Variants in TTYH3 observed in about 807,000 individuals in gnomAD.
The protein encoded by TTYH3 is protein tweety homolog 3.
TTYH3 carries 23 observed loss-of-function variants against 68.2 expected under a neutral mutation model. The ratio of observed to expected loss-of-function variants is 0.34; its 90% confidence interval spans 0.24 to 0.48. TTYH3 has a LOEUF of 0.48. Ranked by LOEUF, TTYH3 falls within the 20% of genes least tolerant of loss-of-function variation. The pLI is 0.99. For missense variants in TTYH3, 768 were observed against 727.7 expected (o/e 1.06, Z -0.64); for synonymous variants, 360 against 332.8 (o/e 1.08, Z -0.89).
At chr7:2,654,488 C>T (rs1200726731) in intron 9 of TTYH3, among the ~76,000 whole-genome samples, 2 of 152,128 alleles carry the variant, frequency 1.3e-5, no homozygotes, top group East Asian at 1.9e-4. Flanking sequence ...TACACACACA[C>T]ACACAATTGC....
chr7:2,647,595 C>G lies in TTYH3; in HGVS notation c.583C>G (p.Leu195Val), dbSNP rs565748548. Residue 195 changes from leucine to valine, a missense_variant, in exon 4 of 14, where the codon CTG (leucine) becomes GTG (valine). Physicochemically the swap from Leu to Val is conservative, Grantham distance 32 (BLOSUM62 1). Coordinates refer to ENST00000258796, the MANE Select transcript of TTYH3 (RefSeq NM_025250.3). ...IPFWRNTAVS[L>V]EVLAEQVDLY... Reference sequence around the variant, plus strand: ...CTTTTGGAGGAACACGGCGGTGTCGCTGGAGGTGCTGGCGGAGCAGGTGGA... The same window carrying G: ...CTTTTGGAGGAACACGGCGGTGTCGGTGGAGGTGCTGGCGGAGCAGGTGGA... 1.7e-5 allele frequency: 27 copies of G among 1,574,374 alleles called. No homozygotes were observed. Among genetic ancestry groups the G allele is most frequent in the Non-Finnish European group, 2.3e-5 (27 of 1,160,958 alleles).
At chr7:2,653,689 A>G (rs1457395676) in intron 9 of TTYH3, among the ~76,000 whole-genome samples, 1 of 152,074 alleles carries the variant, frequency 6.6e-6, no homozygotes, top group Non-Finnish European at 1.5e-5. Flanking sequence ...ATGGTGAAAC[A>G]CCATTTCTAC....
intron 6 of TTYH3, 87 bp downstream of exon 6, chr7:2,649,726 C>A: frequency 6.6e-7 from 1 of 1,514,152 alleles, no homozygotes; most frequent in Middle Eastern, 1.7e-4. Context: ...TCTCCCCTCC[C>A]ATCTTCCCGG....
Position 2,648,066 on chromosome 7 carries a change from G to A in TTYH3, c.722+12G>A, listed in dbSNP as rs1393363840. On this transcript the variant is annotated intron_variant, in intron 5 of 13. Transcript: ENST00000258796. ...GGCATCCTGGTGGGGTGAGTCTGGG[G>A]GTGTCGGCCCCCCGTGGGCCCAAAG... 3 of 1,604,894 alleles carry A rather than the reference G, an allele frequency of 1.9e-6. No individual in the cohort carries two copies. The highest frequency in any genetic ancestry group is 1.1e-5 in the South Asian group (1 of 90,958).
chr7:2,657,255 T>A (rs1002243945), intron 11 of TTYH3, among the ~76,000 whole-genome samples: 22 of 152,218 alleles, frequency 1.4e-4, no homozygotes, highest in Non-Finnish European at 4.4e-5. Flanking sequence ...TTCTTCCTTT[T>A]GTCTGGATTT....
Position 2,645,281 on chromosome 7 carries a change from G to T in TTYH3, c.124-1572G>T, listed in dbSNP as rs1289982494. 6.6e-6 allele frequency among the ~76,000 whole-genome samples: 1 copy of T among 152,244 alleles called. No homozygotes were observed. The highest frequency in any genetic ancestry group is 1.5e-5 in the Non-Finnish European group (1 of 68,036). ...GCTATGCTGAATCCAGGGACCTGGG[G>T]TTGCAGGGCCTGTGTGCTTTCTCTG... is the stretch of plus-strand genomic sequence containing the variant. On this transcript the variant is annotated intron_variant, in intron 1 of 13. Transcript: ENST00000258796. This position sits in a 1 kb window ranked among gnomAD's most constrained non-coding sequence, Gnocchi z 4.8.
intron 1 of TTYH3, 40 bp downstream of exon 1, chr7:2,632,318 AGGTCACGGCCCCCTCCTCTCCCAG>A (rs886883401): frequency 9.9e-6 from 15 of 1,519,422 alleles, no homozygotes; most frequent in Admixed American, 8.0e-5. Flanking sequence ...CAGGGACCCC[AGGTCACGGCCCCCTCCTCTCCCAG>A]GGTCACGGCC....
At chr7:2,657,539 T>G (rs1786373011) in intron 11 of TTYH3, among the ~76,000 whole-genome samples, 1 of 151,662 alleles carries the variant, frequency 6.6e-6, no homozygotes, top group African/African-American at 2.4e-5. Flanking sequence ...CATAGGGGAG[T>G]AGATAAGAGC....
At chr7:2,644,887 G>C (rs549575274) in intron 1 of TTYH3, among the ~76,000 whole-genome samples, 9 of 152,328 alleles carry the variant, frequency 5.9e-5, no homozygotes, top group South Asian at 2.1e-4. Flanking sequence ...ACCGTCTCCT[G>C]GGAGATCCAG....
At chr7:2,640,607 T>G (rs1017609082) in intron 1 of TTYH3, among the ~76,000 whole-genome samples, 7 of 152,130 alleles carry the variant, frequency 4.6e-5, no homozygotes, top group Admixed American at 1.3e-4. Flanking sequence ...CTTGGCAGCC[T>G]GGTGTGGTGT....
At chr7:2,649,234 C>T (rs1452319844) in intron 5 of TTYH3, among the ~76,000 whole-genome samples, 1 of 152,044 alleles carries the variant, frequency 6.6e-6, no homozygotes, top group East Asian at 1.9e-4. Flanking sequence ...GCTACGTGGG[C>T]GGCGGGATGC....
At chr7:2,643,813 C>G (rs577725198) in intron 1 of TTYH3, among the ~76,000 whole-genome samples, 1 of 77,490 alleles carries the variant, frequency 1.3e-5, no homozygotes, top group East Asian at 5.2e-4. Flanking sequence ...GGAGGTCACA[C>G]CTGTTTAGGC....
At chr7:2,654,083 TA>T (rs1459306058) in intron 9 of TTYH3, among the ~76,000 whole-genome samples, 1 of 151,858 alleles carries the variant, frequency 6.6e-6, no homozygotes, top group African/African-American at 2.4e-5. Context: ...TTCACAAAGA[TA>T]AAAGCAAACA....
intron 1 of TTYH3, among the ~76,000 whole-genome samples, chr7:2,640,989 C>G (rs1033174019): frequency 1.3e-5 from 2 of 152,200 alleles, no homozygotes; most frequent in African/African-American, 4.8e-5. Context: ...CTGGGGACAT[C>G]CTGGAGGAGA....
rs770112221 is a variant in TTYH3 at position 2,647,264 on chromosome 7, G to A, written c.405+11G>A. On this transcript the variant is annotated intron_variant, in intron 3 of 13. Transcript: ENST00000258796. ...GGGGTCCAGGACCGCGTGAGTGGCC[G>A]CGGAGTTGGGGCCAGGAGCACTCTT... 2 of 1,568,648 alleles carry A rather than the reference G, an allele frequency of 1.3e-6. No individual in the cohort carries two copies. The highest frequency in any genetic ancestry group is 2.3e-5 in the East Asian group (1 of 43,442).
At chr7:2,639,526 G>C (rs1224480937) in intron 1 of TTYH3, among the ~76,000 whole-genome samples, 4 of 152,220 alleles carry the variant, frequency 2.6e-5, no homozygotes, top group Admixed American at 1.3e-4. Flanking sequence ...CGGCCGAGCT[G>C]TCTGTCCAAG....
At chr7:2,642,542 A>G (rs1785875039) in intron 1 of TTYH3, among the ~76,000 whole-genome samples, 1 of 148,622 alleles carries the variant, frequency 6.7e-6, no homozygotes, top group Admixed American at 6.7e-5. Context: ...TGTCTCAAAA[A>G]AAAAAAAAAA....
In TTYH3 at chr7:2,647,145, C is replaced by G. The variant is rs745796942; in HGVS notation, c.297C>G (p.Ala99=). ...CVIIATLVCS[A]GIAVGFYGNG... is the part of the protein sequence containing the mutation. The stretch of plus-strand genomic sequence containing the variant: ...CTCACGGGCCCGCCCTCTCCAGCGC[C>G]GGCATCGCAGTGGGATTCTACGGCA... Residue 99 remains alanine, a synonymous_variant, in exon 3 of 14, where the codon GCC becomes GCG. Coordinates refer to ENST00000258796, the MANE Select transcript of TTYH3 (RefSeq NM_025250.3). 6.2e-7 allele frequency: 1 copy of G among 1,601,760 alleles called. No homozygotes were observed. The highest frequency in any genetic ancestry group is 1.7e-5 in the Admixed American group (1 of 58,754).
At chr7:2,647,046 G>A in intron 2 of TTYH3, 24 bp downstream of exon 2, 1 of 1,534,286 alleles carries the variant, frequency 6.5e-7, no homozygotes, top group Non-Finnish European at 8.7e-7. Context: ...GGCGGGGACG[G>A]AGGGCGGGGC....
Sources: gnomAD v4.1 joint callset for allele counts (sites outside exome capture counted in the v4.1 genomes callset) on GRCh38, gnomAD v4.1.1 for gene constraint, Gnocchi (gnomAD v3.1) non-coding constraint, MANE v1.5 for transcripts, NCBI Gene and HGNC (gene_info 2026-07-23, HGNC 2026-07-21) for gene names.